PCDHA4: variants seen among roughly 807,000 people sequenced by gnomAD.
PCDHA4 encodes protocadherin alpha 4.
In PCDHA4, 49 loss-of-function variants were observed where a neutral mutation model predicts 61.4. The observed-to-expected ratio is 0.80, with a 90% CI of 0.63 to 1.01. The LOEUF (loss-of-function observed/expected upper bound fraction) is 1.01. Ranked by LOEUF, PCDHA4 falls within the 50% of genes least tolerant of loss-of-function variation. The probability of loss-of-function intolerance (pLI) is 0.00; values close to 1 mark genes in which losing one functional copy is unlikely to be tolerated. For synonymous variants in PCDHA4, 590 were observed against 550.3 expected, an observed-to-expected ratio of 1.07 and a Z score of -1.01; for missense variants, 1,254 against 1,235.8, an observed-to-expected ratio of 1.01 and a Z score of -0.22.
chr5:140,876,819 C>G (rs781959784), intron 1 of PCDHA4: 4 of 1,614,180 alleles, frequency 2.5e-6, no homozygotes, highest in Non-Finnish European at 3.4e-6. Context: ...CCGACGTGAA[C>G]GACAATGCGC....
chr5:140,891,009 A>G (rs2062900955), intron 1 of PCDHA4, among the ~76,000 whole-genome samples: 1 of 151,934 alleles, frequency 6.6e-6, no homozygotes, highest in South Asian at 2.1e-4. Flanking sequence ...ATTGAAAAGC[A>G]TTTTTTCTGA....
intron 1 of PCDHA4, chr5:140,883,655 T>C (rs782178754): frequency 6.2e-7 from 1 of 1,613,114 alleles, no homozygotes; most frequent in Non-Finnish European, 8.5e-7. Context: ...GTACACGGTG[T>C]TCGTGAAGGA....
chr5:140,924,907 A>AAT (rs1554202344), intron 1 of PCDHA4, among the ~76,000 whole-genome samples: 14 of 50,940 alleles, frequency 2.7e-4, no homozygotes, highest in African/African-American at 6.9e-4. Context: ...AAAAAAAAAT[A>AAT]AAATAAAATA....
At chr5:140,858,949 G>A in intron 1 of PCDHA4, 1 of 158,970 alleles carries the variant, frequency 6.3e-6, no homozygotes, top group Non-Finnish European at 1.4e-5. Flanking sequence ...AGTGATTACA[G>A]CTTTTTCTCA....
intron 1 of PCDHA4, chr5:140,877,310 C>G (rs371801888): frequency 6.2e-7 from 1 of 1,613,938 alleles, no homozygotes; most frequent in Non-Finnish European, 8.5e-7. Flanking sequence ...GAGTTGCAAC[C>G]GGCGGCGGTC....
At chr5:140,845,675 A>G (rs2150380480) in intron 1 of PCDHA4, among the ~76,000 whole-genome samples, 6 of 149,762 alleles carry the variant, frequency 4.0e-5, no homozygotes, top group African/African-American at 7.3e-5. Context: ...AGCCATTGGT[A>G]AAGGATTTGT....
At chr5:140,948,325 C>T (rs1554218520) in intron 1 of PCDHA4, among the ~76,000 whole-genome samples, 1 of 151,476 alleles carries the variant, frequency 6.6e-6, no homozygotes. Flanking sequence ...GTAATGTTTT[C>T]ATTAGGTTTT....
At chr5:140,927,630 A>C in intron 1 of PCDHA4, 1 of 1,614,182 alleles carries the variant, frequency 6.2e-7, no homozygotes, top group Non-Finnish European at 8.5e-7. Context: ...CAGAGACTGC[A>C]CCCAATGGGA....
At chr5:140,828,537 A>T (rs2150156505) in intron 1 of PCDHA4, 2 of 1,614,236 alleles carry the variant, frequency 1.2e-6, no homozygotes, top group South Asian at 1.1e-5. Flanking sequence ...AGGCTGCCAG[A>T]TTCTGTGTTT....
At chr5:140,968,396 G>A (rs1181874720) in intron 1 of PCDHA4, 1 of 1,613,890 alleles carries the variant, frequency 6.2e-7, no homozygotes, top group Non-Finnish European at 8.5e-7. Flanking sequence ...GAAGTTTCGG[G>A]AGTTCTTTGT....
At chr5:140,856,444 C>G in intron 1 of PCDHA4, 1 of 1,598,432 alleles carries the variant, frequency 6.3e-7, no homozygotes, top group Non-Finnish European at 8.6e-7. Flanking sequence ...CGCCCAGGTT[C>G]TCCGTAACAG....
intron 1 of PCDHA4, chr5:140,966,499 A>C (rs960365429): frequency 1.4e-5 from 6 of 431,834 alleles, no homozygotes; most frequent in Non-Finnish European, 2.4e-5. Context: ...CTGGAGCTGT[A>C]GCGGCAGCAG....
At chr5:140,917,047 G>A (rs183820401) in intron 1 of PCDHA4, among the ~76,000 whole-genome samples, 11 of 152,262 alleles carry the variant, frequency 7.2e-5, no homozygotes, top group Admixed American at 5.2e-4. Context: ...GCACAGTGTT[G>A]TTCCCTGCTA....
chr5:140,875,360 GA>G, intron 1 of PCDHA4: 1 of 1,447,846 alleles, frequency 6.9e-7, no homozygotes, highest in Non-Finnish European at 9.1e-7. Context: ...TGTGATGCTG[GA>G]AAAAATTTAC....
chr5:140,998,005 C>T (rs539275150), intron 3 of PCDHA4, among the ~76,000 whole-genome samples: 300 of 152,282 alleles, frequency 2.0e-3, no homozygotes, highest in Non-Finnish European at 3.8e-3. Context: ...TCTGAGCCTT[C>T]CATCCCCACC....
At chr5:140,895,340 A>G (rs964651163) in intron 1 of PCDHA4, among the ~76,000 whole-genome samples, 1 of 151,822 alleles carries the variant, frequency 6.6e-6, no homozygotes, top group African/African-American at 2.4e-5. Context: ...TTGTTTTACT[A>G]TGCTTTCCAG....
intron 1 of PCDHA4, chr5:140,849,712 C>G (rs782768269): frequency 6.3e-7 from 1 of 1,598,502 alleles, no homozygotes; most frequent in Non-Finnish European, 8.6e-7. Context: ...AATTACTACT[C>G]GTTGGTGCTG....
In PCDHA4 at chr5:140,870,598, G is replaced by A. The variant is rs1273087028; in HGVS notation, c.2385+61026G>A. On this transcript the variant is annotated intron_variant, in intron 1 of 3. Transcript: ENST00000530339. Reference sequence around the variant, plus strand: ...CTACTCGCTGGTGGAGCGGCGGTTGGGCGACCGCGCGCTGTCGAGCTACGT... The same window carrying A: ...CTACTCGCTGGTGGAGCGGCGGTTGAGCGACCGCGCGCTGTCGAGCTACGT... The A allele has an allele frequency of 3.7e-6, 6 of 1,613,282 alleles. No individual in the cohort carries two copies. The African/African-American group carries it at 8.0e-5, about 22-fold the overall frequency.
At chr5:141,004,573 G>A (rs2098171340) in intron 3 of PCDHA4, among the ~76,000 whole-genome samples, 1 of 152,220 alleles carries the variant, frequency 6.6e-6, no homozygotes, top group South Asian at 2.1e-4. Context: ...ATATCTCTGT[G>A]TTCTGCATCT....
Sources: gnomAD v4.1 joint callset for allele counts (sites outside exome capture counted in the v4.1 genomes callset) on GRCh38, gnomAD v4.1.1 for gene constraint, MANE v1.5 for transcripts, NCBI Gene and HGNC (gene_info 2026-07-23, HGNC 2026-07-21) for gene names.